The following ELAVL2 variants were observed in gnomAD, a reference collection of about 807,000 sequenced individuals.
ELAVL2 encodes the protein ELAV-like protein 2.
In ELAVL2, 4 loss-of-function variants were observed where a neutral mutation model predicts 34.6. That is an observed-to-expected ratio of 0.12 (90% CI 0.06 to 0.26). The LOEUF is 0.26. Ranked by LOEUF, ELAVL2 falls within the 10% of genes least tolerant of loss-of-function variation. The probability of loss-of-function intolerance (pLI) is 1.00; values close to 1 mark genes in which losing one functional copy is unlikely to be tolerated. For missense variants in ELAVL2, 432 were observed against 442.8 expected, an observed-to-expected ratio of 0.98 and a Z score of 0.22; for synonymous variants, 193 against 154.8, an observed-to-expected ratio of 1.25 and a Z score of -1.83.
At chr9:23,746,471 C>A (rs2050510957) in intron 2 of ELAVL2, among the ~76,000 whole-genome samples, 1 of 152,098 alleles carries the variant, frequency 6.6e-6, no homozygotes, top group African/African-American at 2.4e-5. Context: ...GGGCTGGGAA[C>A]CAGACTTCAA....
chr9:23,692,819 C>G lies in ELAVL2; in HGVS notation c.818G>C (p.Gly273Ala), dbSNP rs919809758. The G allele has an allele frequency of 3.7e-6, 6 of 1,614,028 alleles. No homozygotes were observed. In the African/African-American group the frequency reaches 4.0e-5, roughly 11 times the overall value. Residue 273 changes from glycine to alanine, a missense_variant, in exon 7 of 7, where the codon GGA becomes GCA. Coordinates refer to ENST00000397312, the MANE Select transcript of ELAVL2 (RefSeq NM_004432.5). Reference sequence around the variant, plus strand: ...GTACACAAATATACACCACCCTGTTCCAGGGTGCCCAGGGATATTAATTCC... The same window carrying G: ...GTACACAAATATACACCACCCTGTTGCAGGGTGCCCAGGGATATTAATTCC... The part of the protein sequence containing the change: ...LAGINIPGHP[G>A]TGWCIFVYNL...
At chr9:23,794,012 A>T (rs767066159) in intron 1 of ELAVL2, among the ~76,000 whole-genome samples, 1 of 152,208 alleles carries the variant, frequency 6.6e-6, no homozygotes, top group Non-Finnish European at 1.5e-5. Context: ...GTATGTGGTC[A>T]TCTTTATATA....
chr9:23,692,110 A>G lies in ELAVL2; in HGVS notation c.*447T>C, dbSNP rs1470707528. The G allele has an allele frequency of 6.4e-6, 1 of 157,448 alleles. No individual in the cohort carries two copies. Among genetic ancestry groups the G allele is most frequent in the East Asian group, 1.9e-4 (1 of 5,334 alleles). 9.8% of individuals were successfully genotyped at this position (157,448 alleles called of 1,614,324 possible). ...ACTTTTCTTAAACAGACATAACAGC[A>G]ATGCTTTAAATGTAAACCAAACACA... On this transcript the variant is annotated 3_prime_UTR_variant, in exon 7 of 7. Coordinates refer to ENST00000397312, the MANE Select transcript of ELAVL2 (RefSeq NM_004432.5).
intron 1 of ELAVL2, among the ~76,000 whole-genome samples, chr9:23,816,812 C>T (rs1181743775): frequency 6.6e-6 from 1 of 152,148 alleles, no homozygotes; most frequent in Non-Finnish European, 1.5e-5. Flanking sequence ...TTTTGCCCAA[C>T]TATAACATAA....
chr9:23,844,500 C>G, the ELAVL2 span, among the ~76,000 whole-genome samples: 1 of 151,946 alleles, frequency 6.6e-6, no homozygotes, highest in African/African-American at 2.4e-5. Context: ...ATTCAAAAGT[C>G]TAGATTTCTG....
intron 2 of ELAVL2, among the ~76,000 whole-genome samples, chr9:23,740,365 C>G (rs540866784): frequency 1.8e-4 from 28 of 151,872 alleles, no homozygotes; most frequent in South Asian, 4.1e-4. Context: ...GCTAAGTTAA[C>G]TTGCTCAAGG....
the ELAVL2 span, among the ~76,000 whole-genome samples, chr9:23,844,254 A>C: frequency 6.6e-6 from 1 of 151,982 alleles, no homozygotes; most frequent in African/African-American, 2.4e-5. Flanking sequence ...TATCTCTTAC[A>C]CAGAGTATGC....
At chr9:23,739,662 T>A (rs1435795757) in intron 2 of ELAVL2, among the ~76,000 whole-genome samples, 1 of 151,990 alleles carries the variant, frequency 6.6e-6, no homozygotes, top group African/African-American at 2.4e-5. Flanking sequence ...AGGAACTGTA[T>A]TCCTCAAAAT....
At chr9:23,716,998 C>G (rs1285095107) in intron 3 of ELAVL2, among the ~76,000 whole-genome samples, 1 of 152,070 alleles carries the variant, frequency 6.6e-6, no homozygotes, top group East Asian at 1.9e-4. Context: ...TATTATCAGA[C>G]AGAAATGTAT....
At chr9:23,706,382 G>C (rs1254872177) in intron 3 of ELAVL2, among the ~76,000 whole-genome samples, 1 of 152,112 alleles carries the variant, frequency 6.6e-6, no homozygotes, top group Admixed American at 6.5e-5. Flanking sequence ...GGTGAGTAAA[G>C]CCCATCCAAT....
At chr9:23,761,622 A>G (rs1588204255) in intron 2 of ELAVL2, among the ~76,000 whole-genome samples, 1 of 152,038 alleles carries the variant, frequency 6.6e-6, no homozygotes, top group South Asian at 2.1e-4. Flanking sequence ...AGGAAAACAC[A>G]TTTTAAGATT....
chr9:23,693,629 G>A (rs1012945442), intron 5 of ELAVL2, 143 bp from the exon 6 acceptor site: 67 of 989,504 alleles, frequency 6.8e-5, no homozygotes, highest in Admixed American at 6.3e-4. Context: ...GTCTTTTTAC[G>A]TTTTTAAGCT....
At chr9:23,779,832 A>C (rs1251022633) in intron 1 of ELAVL2, among the ~76,000 whole-genome samples, 1 of 152,012 alleles carries the variant, frequency 6.6e-6, no homozygotes, top group Non-Finnish European at 1.5e-5. Context: ...AGCTAAAAAT[A>C]AAAAGCTGGA....
At chr9:23,739,785 G>GCA (rs142111539) in intron 2 of ELAVL2, among the ~76,000 whole-genome samples, 29,732 of 151,534 alleles carry the variant, frequency 0.2, 3,129 homozygotes, top group Admixed American at 0.27. Flanking sequence ...GCCTGTGCCT[G>GCA]CACACACACA....
At chr9:23,821,548 A>T (rs533965849) in intron 1 of ELAVL2, 1 of 152,130 alleles carries the variant, frequency 6.6e-6, no homozygotes, top group African/African-American at 2.4e-5. Flanking sequence ...CGGCGTCCAA[A>T]ATGGACCAGG....
At chr9:23,709,608 T>G (rs1587490020) in intron 3 of ELAVL2, among the ~76,000 whole-genome samples, 1 of 152,322 alleles carries the variant, frequency 6.6e-6, no homozygotes. Context: ...AAATGACAAA[T>G]TCTATTTAGA....
intron 1 of ELAVL2, among the ~76,000 whole-genome samples, chr9:23,772,196 C>A (rs1464545786): frequency 6.6e-6 from 1 of 152,124 alleles, no homozygotes; most frequent in Non-Finnish European, 1.5e-5. Context: ...CAGGGTAGTA[C>A]AAATTGTGAA....
intron 4 of ELAVL2, among the ~76,000 whole-genome samples, chr9:23,702,584 TAA>T (rs369905257): frequency 2.8e-5 from 4 of 141,356 alleles, no homozygotes; most frequent in Non-Finnish European, 3.1e-5. Flanking sequence ...TGGAGGAGCT[TAA>T]AAAAAAAAAA....
At chr9:23,739,678 T>C (rs1587947996) in intron 2 of ELAVL2, among the ~76,000 whole-genome samples, 1 of 152,114 alleles carries the variant, frequency 6.6e-6, no homozygotes, top group East Asian at 1.9e-4. Flanking sequence ...AAAATAGTAT[T>C]GTGGTAGAGG....
Sources: allele counts gnomAD v4.1 joint callset (sites outside exome capture counted in the v4.1 genomes callset), GRCh38; gene constraint gnomAD v4.1.1; transcripts MANE v1.5; gene names NCBI Gene and HGNC (gene_info 2026-07-23, HGNC 2026-07-21).